The following MAN1A1 variants were observed in gnomAD, a reference collection of about 807,000 sequenced individuals.
The protein encoded by MAN1A1 is mannosyl-oligosaccharide 1,2-alpha-mannosidase IA.
Under a neutral mutation model 70.8 loss-of-function variants are expected in MAN1A1, and 29 were observed. That is an observed-to-expected ratio of 0.41 (90% CI 0.31 to 0.56). The LOEUF (loss-of-function observed/expected upper bound fraction) is 0.56. Among genes scored for constraint, MAN1A1 ranks in the 20% least tolerant of loss-of-function variants. The probability of loss-of-function intolerance (pLI) is 0.29; values close to 1 mark genes in which losing one functional copy is unlikely to be tolerated. For synonymous variants in MAN1A1, 349 were observed against 330.1 expected (o/e 1.06, Z -0.62); for missense variants, 747 against 841.3 (o/e 0.89, Z 1.39).
intron 2 of MAN1A1, among the ~76,000 whole-genome samples, chr6:119,345,169 A>C (rs1044770059): frequency 1.0e-4 from 14 of 135,302 alleles, no homozygotes; most frequent in African/African-American, 4.0e-4. Context: ...GCACAGGCTA[A>C]TTGAGAAAAT....
chr6:119,260,149 A>G (rs1775568440), intron 5 of MAN1A1, among the ~76,000 whole-genome samples: 1 of 152,122 alleles, frequency 6.6e-6, no homozygotes. Flanking sequence ...CTAGTCACAT[A>G]CTCTGTCTCA....
intron 5 of MAN1A1, among the ~76,000 whole-genome samples, chr6:119,280,245 T>C (rs1015093492): frequency 2.0e-5 from 3 of 152,246 alleles, no homozygotes; most frequent in African/African-American, 7.2e-5. Flanking sequence ...AGATCTCTAA[T>C]GTCTAGCTGC....
intron 2 of MAN1A1, among the ~76,000 whole-genome samples, chr6:119,340,114 A>T (rs1433429795): frequency 1.3e-5 from 2 of 152,178 alleles, no homozygotes; most frequent in African/African-American, 4.8e-5. Flanking sequence ...AAACAAAAAC[A>T]GTAAAAAGGA....
At chr6:119,301,574 A>G (rs1443467360) in intron 4 of MAN1A1, among the ~76,000 whole-genome samples, 1 of 152,188 alleles carries the variant, frequency 6.6e-6, no homozygotes, top group African/African-American at 2.4e-5. Flanking sequence ...ACACAGTGTA[A>G]AAGCATAAGC....
chr6:119,198,886 T>C (rs6923555), intron 8 of MAN1A1, among the ~76,000 whole-genome samples: 75,970 of 152,120 alleles, frequency 0.5, 19,879 homozygotes, highest in Non-Finnish European at 0.58. Flanking sequence ...TTCTTTGATA[T>C]TACAACAATA....
chr6:119,349,891 G>T (rs1355583953), upstream of MAN1A1: 19 of 383,286 alleles, frequency 5.0e-5, no homozygotes, highest in Non-Finnish European at 6.4e-5. Flanking sequence ...GGAGGGGGAT[G>T]CGCGGGGCGG....
At chr6:119,189,528 A>C (rs1268571414) in intron 10 of MAN1A1, 136 bp downstream of exon 10, 3 of 770,804 alleles carry the variant, frequency 3.9e-6, no homozygotes, top group African/African-American at 1.7e-5. Context: ...TAAAATATAC[A>C]TTCCTTTGAG....
intron 4 of MAN1A1, among the ~76,000 whole-genome samples, chr6:119,292,885 C>G (rs1772084042): frequency 1.3e-5 from 2 of 152,018 alleles, no homozygotes; most frequent in Non-Finnish European, 2.9e-5. Flanking sequence ...TACAAAATTA[C>G]TGATAAGGAA....
intron 11 of MAN1A1, among the ~76,000 whole-genome samples, chr6:119,187,422 T>C (rs889481481): frequency 1.3e-5 from 2 of 152,310 alleles, no homozygotes; most frequent in South Asian, 4.1e-4. Context: ...TTAAATGTAA[T>C]AAAACTGCCC....
intron 5 of MAN1A1, among the ~76,000 whole-genome samples, chr6:119,278,414 T>A (rs1776136352): frequency 6.6e-6 from 1 of 152,220 alleles, no homozygotes; most frequent in Non-Finnish European, 1.5e-5. Context: ...TTAAACTTCA[T>A]TCTGCATGAA....
Position 119,188,520 on chromosome 6 carries a change from G to C in MAN1A1, c.1604C>G (p.Thr535Arg). 1 of 1,613,884 alleles carries C rather than the reference G, an allele frequency of 6.2e-7. No individual in the cohort carries two copies. The highest frequency in any genetic ancestry group is 8.5e-7 in the Non-Finnish European group (1 of 1,179,900). ...GATGTAGTATTTTTCATTTTGTCTT[G>C]TAGCGATGGCTTCAACACCACCATC... ...RFDGGVEAIATRQNEKYYILR... is the reference protein window; with the variant it reads ...RFDGGVEAIARRQNEKYYILR... Residue 535 changes from threonine (T) to arginine (R), a missense_variant, in exon 11 of 13, where the codon ACA becomes AGA. By Grantham distance (71) the Thr-to-Arg change is moderately conservative. This residue lies in a region of MAN1A1 where 419 missense variants were observed against 548.2 expected (regional missense o/e 0.76). Transcript: ENST00000368468.
chr6:119,268,170 G>A (rs1775811068), intron 5 of MAN1A1, among the ~76,000 whole-genome samples: 1 of 152,178 alleles, frequency 6.6e-6, no homozygotes, highest in Non-Finnish European at 1.5e-5. Context: ...TCATTTGTAA[G>A]CAGGTATAAT....
intron 2 of MAN1A1, among the ~76,000 whole-genome samples, chr6:119,320,276 T>C (rs1772971326): frequency 6.6e-6 from 1 of 152,174 alleles, no homozygotes; most frequent in South Asian, 2.1e-4. Flanking sequence ...CCGGCCAGTA[T>C]CTTCTCTTAA....
At chr6:119,239,869 T>C (rs1255610516) in intron 6 of MAN1A1, among the ~76,000 whole-genome samples, 1 of 152,226 alleles carries the variant, frequency 6.6e-6, no homozygotes, top group African/African-American at 2.4e-5. Context: ...CTAAGTTCTG[T>C]ACACAGCATA....
At chr6:119,327,454 A>T (rs141341760) in intron 2 of MAN1A1, 14,926 of 140,458 alleles carry the variant, frequency 0.11, 963 homozygotes, top group Non-Finnish European at 0.14. Context: ...CAGTGGCTCA[A>T]TCTTGGCTCA....
chr6:119,199,468 G>C (rs978255825), intron 8 of MAN1A1, among the ~76,000 whole-genome samples: 1 of 152,026 alleles, frequency 6.6e-6, no homozygotes, highest in Non-Finnish European at 1.5e-5. Flanking sequence ...AGTGATTTAT[G>C]AGTATTTTCC....
At position 119,193,897 on chromosome 6, in the gene MAN1A1, A is replaced by G. The variant is rs1258228162; in HGVS notation, c.1211-5T>C. 1.3e-6 allele frequency: 2 copies of G among 1,560,090 alleles called. No individual in the cohort carries two copies. Among genetic ancestry groups the G allele is most frequent in the Non-Finnish European group, 1.8e-6 (2 of 1,133,750 alleles). ...GTCCTCCAACTGATACATGATCTGG[A>G]AAGAGAGGGAAATGAATTTTAGAGT... On this transcript the variant is annotated splice_polypyrimidine_tract_variant and splice_region_variant and intron_variant, in intron 8 of 12. Coordinates refer to ENST00000368468, the MANE Select transcript of MAN1A1 (RefSeq NM_005907.4).
chr6:119,203,439 G>A (rs1357494529), intron 7 of MAN1A1, among the ~76,000 whole-genome samples: 1 of 152,090 alleles, frequency 6.6e-6, no homozygotes, highest in African/African-American at 2.4e-5. Flanking sequence ...GAGAATGTCA[G>A]CAGGTAGAGG....
At chr6:119,257,564 A>C (rs1027556150) in intron 5 of MAN1A1, among the ~76,000 whole-genome samples, 3 of 152,194 alleles carry the variant, frequency 2.0e-5, no homozygotes, top group Non-Finnish European at 4.4e-5. Context: ...AATCTTAAGA[A>C]ATAATTAGGG....
Sources: gnomAD v4.1 joint callset for allele counts (sites outside exome capture counted in the v4.1 genomes callset) on GRCh38, gnomAD v4.1.1 for gene constraint, gnomAD v4.1.1 regional missense constraint, MANE v1.5 for transcripts, NCBI Gene and HGNC (gene_info 2026-07-23, HGNC 2026-07-21) for gene names.